Variants in UPF2 observed in about 807,000 individuals in gnomAD.
UPF2 encodes UPF2 regulator of nonsense mediated mRNA decay, also known as regulator of nonsense transcripts 2.
Under a neutral mutation model 141.4 loss-of-function variants are expected in UPF2, and 17 were observed. That is an observed-to-expected ratio of 0.12 (90% CI 0.08 to 0.18). UPF2 has a LOEUF of 0.18. Among genes scored for constraint, UPF2 ranks in the 10% least tolerant of loss-of-function variants. UPF2 has a pLI of 1.00. For synonymous variants in UPF2, 540 were observed against 498.0 expected (o/e 1.08, Z -1.12); for missense variants, 1,152 against 1,515.9 (o/e 0.76, Z 3.99).
At chr10:12,013,961 G>A (rs180798970) in intron 4 of UPF2, 63 bp downstream of exon 4, 89 of 1,387,282 alleles carry the variant, frequency 6.4e-5, no homozygotes, top group Non-Finnish European at 8.2e-5. Flanking sequence ...CATCTGATAA[G>A]CCTAAAGGTA....
intron 2 of UPF2, among the ~76,000 whole-genome samples, chr10:12,030,331 C>T (rs1053350817): frequency 6.6e-6 from 1 of 151,722 alleles, no homozygotes; most frequent in African/African-American, 2.4e-5. Context: ...GTCAGGGGTT[C>T]GAGACCAGCT....
intron 3 of UPF2, among the ~76,000 whole-genome samples, chr10:12,024,712 C>G (rs907390979): frequency 2.6e-5 from 4 of 151,872 alleles, no homozygotes; most frequent in African/African-American, 9.7e-5. Context: ...GCAGGAGGAT[C>G]GCTTGACCCC....
At chr10:11,928,769 A>T (rs1588522598) in intron 21 of UPF2, 2 of 305,248 alleles carry the variant, frequency 6.6e-6, no homozygotes, top group East Asian at 2.5e-4. Context: ...TTCATTTTCA[A>T]ATTCTTTATA....
intron 5 of UPF2, among the ~76,000 whole-genome samples, chr10:12,003,495 G>C (rs1046768325): frequency 6.6e-6 from 1 of 152,156 alleles, no homozygotes; most frequent in Non-Finnish European, 1.5e-5. Context: ...CAAATTAAGG[G>C]TAATAGAGTT....
rs773736136 is a variant in UPF2, at chr10:11,936,983, G to A, written c.3379-271C>T. ...GACTGCTCCAGCCTCTCCCAAGCAC[G>A]CAGTGCTGCGGGTTCTACCAAATCC... On this transcript the variant is annotated intron_variant, in intron 18 of 21. Transcript: ENST00000357604. This position sits in a 1 kb window ranked among gnomAD's most constrained non-coding sequence, Gnocchi z 6.6. 1.3e-5 allele frequency among the ~76,000 whole-genome samples: 2 copies of A among 152,194 alleles called. No homozygotes were observed. Among genetic ancestry groups the A allele is most frequent in the Admixed American group, 6.5e-5 (1 of 15,278 alleles).
chr10:12,042,939 G>A (rs2131327572), upstream of UPF2: 1 of 152,320 alleles, frequency 6.6e-6, no homozygotes, highest in African/African-American at 2.4e-5. The surrounding 1 kb of genome is among the most constrained non-coding windows in gnomAD (Gnocchi z 5.5). Flanking sequence ...GAGAGTGGGG[G>A]CGGGGCGGAA....
At position 11,959,168 on chromosome 10, in the gene UPF2, T is replaced by C. The variant is rs1343106294; in HGVS notation, c.2370+3A>G. On this transcript the variant is annotated splice_donor_region_variant and intron_variant, in intron 12 of 21. Coordinates refer to ENST00000357604, the MANE Select transcript of UPF2 (RefSeq NM_015542.4). The surrounding 1 kb of genome is among the most constrained non-coding windows in gnomAD (Gnocchi z 5.9). Reference sequence around the variant, plus strand: ...ATTAACTGCATGATTTCATAAGATTTACCTTCTCGGTGGTAACCTTAGAGA... The same window carrying C: ...ATTAACTGCATGATTTCATAAGATTCACCTTCTCGGTGGTAACCTTAGAGA... 1 of 1,573,504 alleles carries C rather than the reference T, an allele frequency of 6.4e-7. No homozygotes were observed.
Position 12,011,156 on chromosome 10 carries a change from T to C in UPF2, c.1306+2868A>G, listed in dbSNP as rs569318316. Among the ~76,000 whole-genome samples, 241 of 152,328 alleles carry C rather than the reference T, an allele frequency of 1.6e-3. 1 individual carries two copies. Among genetic ancestry groups the C allele is most frequent in the Non-Finnish European group, 2.6e-3 (179 of 68,022 alleles). On this transcript the variant is annotated intron_variant, in intron 4 of 21. Coordinates refer to ENST00000357604, the MANE Select transcript of UPF2 (RefSeq NM_015542.4). ...GCCACATGACTGGCTAAATTTGTTTTATTTTTTAAAATTTTTTGTAGAGAC... is the reference window on the plus strand; with the variant it reads ...GCCACATGACTGGCTAAATTTGTTTCATTTTTTAAAATTTTTTGTAGAGAC...
At chr10:11,951,050 T>C (rs1833067800) in intron 15 of UPF2, among the ~76,000 whole-genome samples, 1 of 151,972 alleles carries the variant, frequency 6.6e-6, no homozygotes, top group African/African-American at 2.4e-5. Context: ...TGAAAACGGG[T>C]CACTTTTTAT....
At chr10:11,993,987 T>C (rs1833824941) in intron 8 of UPF2, among the ~76,000 whole-genome samples, 1 of 151,188 alleles carries the variant, frequency 6.6e-6, no homozygotes. Flanking sequence ...GGACCCTGTC[T>C]CTAAAAAAAA....
chr10:12,032,397 T>C (rs749162268), intron 2 of UPF2, among the ~76,000 whole-genome samples: 14 of 152,086 alleles, frequency 9.2e-5, no homozygotes, highest in Non-Finnish European at 1.8e-4. Context: ...GAAGTTTTTA[T>C]GGGTAAATGC....
At chr10:12,023,154 T>C (rs79766858) in intron 3 of UPF2, among the ~76,000 whole-genome samples, 7,966 of 152,302 alleles carry the variant, frequency 0.052, 284 homozygotes, top group Non-Finnish European at 0.08. Context: ...AATGAAATCA[T>C]TTCTTCATCC....
At chr10:11,938,413 T>C (rs945319405) in intron 18 of UPF2, among the ~76,000 whole-genome samples, 1 of 152,192 alleles carries the variant, frequency 6.6e-6, no homozygotes, top group African/African-American at 2.4e-5. Flanking sequence ...GGTAAATTTT[T>C]AGATCAACTG....
At chr10:11,988,715 A>G (rs893679982) in intron 8 of UPF2, among the ~76,000 whole-genome samples, 1 of 152,156 alleles carries the variant, frequency 6.6e-6, no homozygotes, top group Non-Finnish European at 1.5e-5. Context: ...CCCCTCTCCC[A>G]AAGTGTTCCA....
At chr10:11,927,047 G>C (rs891553388) in intron 21 of UPF2, among the ~76,000 whole-genome samples, 2 of 152,176 alleles carry the variant, frequency 1.3e-5, no homozygotes, top group African/African-American at 2.4e-5. Context: ...ACAGACAAAT[G>C]AAGAGGGTGG....
At chr10:12,039,699 C>T (rs1834701099) in intron 1 of UPF2, among the ~76,000 whole-genome samples, 1 of 151,520 alleles carries the variant, frequency 6.6e-6, no homozygotes, top group Admixed American at 6.6e-5. Context: ...CGGCTCACCA[C>T]AACCTCTGCC....
chr10:11,957,294 T>C (rs1274345147), intron 12 of UPF2, among the ~76,000 whole-genome samples: 2 of 151,464 alleles, frequency 1.3e-5, no homozygotes, highest in Non-Finnish European at 2.9e-5. Flanking sequence ...CCAAGCACAG[T>C]GGTGGGCAAC....
intron 8 of UPF2, among the ~76,000 whole-genome samples, chr10:11,990,394 A>C (rs1016693270): frequency 6.6e-6 from 1 of 152,214 alleles, no homozygotes; most frequent in Non-Finnish European, 1.5e-5. Context: ...ACGGCCCCCA[A>C]AGCAACCAAC....
chr10:11,936,676 C>T lies in UPF2; in HGVS notation c.3415G>A (p.Asp1139Asn). 6.2e-7 allele frequency: 1 copy of T among 1,611,918 alleles called. No homozygotes were observed. Among genetic ancestry groups the T allele is most frequent in the Non-Finnish European group, 8.5e-7 (1 of 1,179,108 alleles). ...SGESVKVHQLDVAIPLHLKSQ... is the reference protein window; with the variant it reads ...SGESVKVHQLNVAIPLHLKSQ... ...TTGAGATGCAAAGGAATGGCAACAT[C>T]TAGTTGGTGCACTTTAACAGATTCA... The change falls in exon 19 of 22, where the codon GAT becomes AAT. Residue 1139 changes from aspartate (D) to asparagine (N), a missense_variant. Physicochemically the swap from Asp to Asn is conservative, Grantham distance 23. Transcript: ENST00000357604. The surrounding 1 kb of genome is among the most constrained non-coding windows in gnomAD (Gnocchi z 6.6).
Sources: allele counts gnomAD v4.1 joint callset (sites outside exome capture counted in the v4.1 genomes callset), GRCh38; gene constraint gnomAD v4.1.1; non-coding constraint Gnocchi (gnomAD v3.1); transcripts MANE v1.5; gene names NCBI Gene and HGNC (gene_info 2026-07-23, HGNC 2026-07-21).